The following FARP1 variants were observed in gnomAD, a reference collection of about 807,000 sequenced individuals.
The protein encoded by FARP1 is FERM, ARHGEF and pleckstrin domain-containing protein 1.
Under a neutral mutation model 128.8 loss-of-function variants are expected in FARP1, and 52 were observed. The ratio of observed to expected loss-of-function variants is 0.40; its 90% CI spans 0.32 to 0.51. The LOEUF is 0.51. Ranked by LOEUF, FARP1 falls within the 20% of genes least tolerant of loss-of-function variation. The pLI is 0.45. For missense variants in FARP1, 1,333 were observed against 1,367.9 expected, an observed-to-expected ratio of 0.97 and a Z score of 0.40; for synonymous variants, 580 against 551.8, an observed-to-expected ratio of 1.05 and a Z score of -0.72.
intron 1 of FARP1, among the ~76,000 whole-genome samples, chr13:98,168,184 TA>T (rs1030588093): frequency 4.3e-4 from 61 of 142,164 alleles, no homozygotes; most frequent in African/African-American, 1.6e-3. Context: ...AAAAAAAAAA[TA>T]AAATAAATAA....
At chr13:98,183,475 C>G (rs1878661305) in intron 1 of FARP1, among the ~76,000 whole-genome samples, 1 of 152,156 alleles carries the variant, frequency 6.6e-6, no homozygotes, top group Non-Finnish European at 1.5e-5. Flanking sequence ...CTTCGTTTTT[C>G]AGGCCCAGAT....
intron 2 of FARP1, among the ~76,000 whole-genome samples, chr13:98,268,778 TTGTGTGTG>T (rs59132299): frequency 0.03 from 4,493 of 148,006 alleles, 70 homozygotes; most frequent in Non-Finnish European, 0.039. Flanking sequence ...TTTCCCTTCT[TTGTGTGTG>T]TGTGTGTGTG....
chr13:98,319,777 G>C (rs1357604684), intron 2 of FARP1, among the ~76,000 whole-genome samples: 1 of 151,970 alleles, frequency 6.6e-6, no homozygotes, highest in Admixed American at 6.6e-5. Flanking sequence ...TGCCATTCTA[G>C]TAGATTTATA....
Position 98,389,065 on chromosome 13 carries a change from A to C in FARP1, c.855+587A>C, listed in dbSNP as rs1241555325. Among the ~76,000 whole-genome samples, 9 of 152,346 alleles carry C rather than the reference A, an allele frequency of 5.9e-5. No homozygotes were observed. In the East Asian group the frequency reaches 1.7e-3, roughly 29 times the overall value. On this transcript the variant is annotated intron_variant, in intron 9 of 26. Coordinates refer to ENST00000319562, the MANE Select transcript of FARP1 (RefSeq NM_005766.4). ...TGATGTGTCCTGGGCGTCTGTCCCC[A>C]ACCAGCGTGTAGAGTTCTTTTTCCC...
chr13:98,403,904 G>C (rs559719474), intron 13 of FARP1: 1 of 152,644 alleles, frequency 6.6e-6, no homozygotes, highest in South Asian at 2.0e-4. Context: ...CATTGTAACT[G>C]TTCTTTCCCA....
At chr13:98,424,702 G>A (rs759532894) in intron 17 of FARP1, 52 bp downstream of exon 17, 31 of 1,279,996 alleles carry the variant, frequency 2.4e-5, no homozygotes, top group Admixed American at 3.4e-5. Flanking sequence ...AGAATCGAGC[G>A]GGGCTGCCAT....
chr13:98,340,128 C>T (rs1229443236), intron 2 of FARP1, among the ~76,000 whole-genome samples: 1 of 151,416 alleles, frequency 6.6e-6, no homozygotes, highest in Non-Finnish European at 1.5e-5. Context: ...ATTTTTAAGT[C>T]TCATTTCCCA....
intron 2 of FARP1, among the ~76,000 whole-genome samples, chr13:98,331,026 T>C (rs1343239335): frequency 6.6e-6 from 1 of 152,180 alleles, no homozygotes; most frequent in Non-Finnish European, 1.5e-5. Flanking sequence ...ATCCTGGCCA[T>C]CGATCAGCAT....
intron 2 of FARP1, among the ~76,000 whole-genome samples, chr13:98,240,882 C>G (rs745976823): frequency 1.3e-5 from 2 of 152,214 alleles, no homozygotes; most frequent in Non-Finnish European, 2.9e-5. Flanking sequence ...GGAAACCTGG[C>G]ATTCCTTTAC....
chr13:98,240,210 A>G (rs1237028378), intron 2 of FARP1, among the ~76,000 whole-genome samples: 1 of 152,136 alleles, frequency 6.6e-6, no homozygotes, highest in Admixed American at 6.5e-5. Flanking sequence ...TTCAGGGTAG[A>G]CGCACGTTTT....
intron 17 of FARP1, 29 bp from the exon 18 acceptor site, chr13:98,431,014 A>G: frequency 1.3e-6 from 2 of 1,494,160 alleles, no homozygotes; most frequent in Non-Finnish European, 9.3e-7. Flanking sequence ...TCAGCTGAAC[A>G]GGACCCTCCT....
intron 1 of FARP1, among the ~76,000 whole-genome samples, chr13:98,203,218 G>A (rs756931613): frequency 2.0e-5 from 3 of 152,086 alleles, no homozygotes; most frequent in Non-Finnish European, 4.4e-5. Context: ...GAATATTCAC[G>A]GACACATAGA....
chr13:98,171,696 T>TA (rs1489927006), intron 1 of FARP1, among the ~76,000 whole-genome samples: 2 of 152,192 alleles, frequency 1.3e-5, no homozygotes, highest in Admixed American at 1.3e-4. Context: ...GCTACATTGT[T>TA]AAAAAATATG....
chr13:98,414,823 G>A (rs959626537), intron 16 of FARP1, among the ~76,000 whole-genome samples: 1 of 152,184 alleles, frequency 6.6e-6, no homozygotes, highest in Non-Finnish European at 1.5e-5. Context: ...GGATGAGAAT[G>A]CATTCCATTA....
intron 2 of FARP1, among the ~76,000 whole-genome samples, chr13:98,297,784 C>A (rs1167399208): frequency 1.3e-5 from 2 of 152,158 alleles, no homozygotes; most frequent in Admixed American, 1.3e-4. Flanking sequence ...ACCGCTTCAC[C>A]CCCACCAATA....
In FARP1 at chr13:98,373,902, C is replaced by G. The variant is rs140273281; in HGVS notation, c.399-3919C>G. On this transcript the variant is annotated intron_variant, in intron 5 of 26. Coordinates refer to ENST00000319562, the MANE Select transcript of FARP1 (RefSeq NM_005766.4). The stretch of plus-strand genomic sequence containing the variant: ...AGGCCCTTTTGAAAATCAAAAATAC[C>G]CTTTCATTATTATAATAGTAGTAAA... 3.5e-3 allele frequency among the ~76,000 whole-genome samples: 535 copies of G among 151,906 alleles called. 5 individuals carry two copies. The highest frequency in any genetic ancestry group is 0.012 in the African/African-American group (504 of 41,370).
intron 2 of FARP1, among the ~76,000 whole-genome samples, chr13:98,231,014 G>C (rs945910432): frequency 6.6e-6 from 1 of 152,108 alleles, no homozygotes; most frequent in Non-Finnish European, 1.5e-5. Flanking sequence ...ATCAGATCTC[G>C]TGAGACTTAT....
chr13:98,365,439 T>C lies in FARP1; in HGVS notation c.319+2T>C. The stretch of plus-strand genomic sequence containing the variant: ...AACCCATTGTGAAACAGATTAGAAG[T>C]GAGTATATACCATATGTTTAATAGT... On this transcript the variant is annotated splice_donor_variant, in intron 4 of 26. Coordinates refer to ENST00000319562, the MANE Select transcript of FARP1 (RefSeq NM_005766.4). LOFTEE classifies it high-confidence loss of function. The C allele has an allele frequency of 6.3e-7, 1 of 1,597,934 alleles. No homozygotes were observed. Among genetic ancestry groups the C allele is most frequent in the Non-Finnish European group, 8.6e-7 (1 of 1,165,622 alleles).
chr13:98,335,584 A>G (rs530400561), intron 2 of FARP1, among the ~76,000 whole-genome samples: 12 of 152,320 alleles, frequency 7.9e-5, no homozygotes, highest in Non-Finnish European at 1.3e-4. Flanking sequence ...GCCAAACCGT[A>G]TCACTGACCC....
Sources: allele counts gnomAD v4.1 joint callset (sites outside exome capture counted in the v4.1 genomes callset), GRCh38; gene constraint gnomAD v4.1.1; transcripts MANE v1.5; gene names NCBI Gene and HGNC (gene_info 2026-07-23, HGNC 2026-07-21).